NUS1: variants seen among roughly 807,000 people sequenced by gnomAD.
The protein encoded by NUS1 is NUS1 dehydrodolichyl diphosphate synthase subunit.
For missense variants in NUS1, 292 were observed against 382.9 expected, an observed-to-expected ratio of 0.76 and a Z score of 1.98; for synonymous variants, 135 against 155.2, an observed-to-expected ratio of 0.87 and a Z score of 0.97.
chr6:117,686,092 T>C (rs901461883), intron 1 of NUS1, among the ~76,000 whole-genome samples: 4 of 151,748 alleles, frequency 2.6e-5, no homozygotes, highest in Admixed American at 2.6e-4. Context: ...AAACCCCGTC[T>C]CTACTAAAAA....
chr6:117,688,283 T>A (rs544128957), intron 1 of NUS1, among the ~76,000 whole-genome samples: 1 of 152,162 alleles, frequency 6.6e-6, no homozygotes, highest in Non-Finnish European at 1.5e-5. Flanking sequence ...GTGTGGGCAA[T>A]GGACAGAAAG....
At chr6:117,684,461 T>G (rs1210190604) in intron 1 of NUS1, among the ~76,000 whole-genome samples, 1 of 152,250 alleles carries the variant, frequency 6.6e-6, no homozygotes, top group Non-Finnish European at 1.5e-5. Context: ...TTCTTTCACC[T>G]GGATTACTGT....
intron 4 of NUS1, among the ~76,000 whole-genome samples, chr6:117,704,391 G>C (rs1242869370): frequency 1.3e-5 from 2 of 152,114 alleles, no homozygotes; most frequent in Non-Finnish European, 2.9e-5. Context: ...AACTTTTTTT[G>C]TAAAGGGCCA....
At chr6:117,683,169 C>T (rs1773086946) in intron 1 of NUS1, among the ~76,000 whole-genome samples, 1 of 152,160 alleles carries the variant, frequency 6.6e-6, no homozygotes, top group Admixed American at 6.5e-5. Flanking sequence ...GTTCATTTTA[C>T]ATATCTCTTG....
At chr6:117,688,868 GT>G (rs1011917718) in intron 1 of NUS1, among the ~76,000 whole-genome samples, 6 of 152,106 alleles carry the variant, frequency 3.9e-5, no homozygotes, top group African/African-American at 7.2e-5. Context: ...TAATTACTGA[GT>G]TTTTTTGGCA....
At chr6:117,699,594 T>C (rs1044957666) in intron 3 of NUS1, among the ~76,000 whole-genome samples, 3 of 152,016 alleles carry the variant, frequency 2.0e-5, no homozygotes, top group Admixed American at 6.5e-5. Context: ...CAATGCAAAA[T>C]ATCAATGCAG....
chr6:117,699,320 A>C (rs567519252), intron 3 of NUS1, among the ~76,000 whole-genome samples: 2 of 152,298 alleles, frequency 1.3e-5, no homozygotes, highest in South Asian at 4.1e-4. Flanking sequence ...CCAATGTACA[A>C]AAATCAGGAG....
Position 117,709,120 on chromosome 6 carries a change from G to A in NUS1, c.*2105G>A, listed in dbSNP as rs1773541646. 6.6e-6 allele frequency: 1 copy of A among 152,072 alleles called. No individual in the cohort carries two copies. The highest frequency in any genetic ancestry group is 1.5e-5 in the Non-Finnish European group (1 of 67,982). 9.4% of individuals were successfully genotyped at this position (152,072 alleles called of 1,614,324 possible). A position where few individuals can be genotyped will look rare whatever the true frequency, so the allele number is the denominator to read the frequency against. ...TCATTCCAGAACCTTCTCTTTATGA[G>A]TTCACCTGCTAGTACAATCTCCACA... On this transcript the variant is annotated 3_prime_UTR_variant, in exon 5 of 5. Coordinates refer to ENST00000368494, the MANE Select transcript of NUS1 (RefSeq NM_138459.5).
intron 1 of NUS1, among the ~76,000 whole-genome samples, chr6:117,679,642 A>G (rs1461471289): frequency 6.6e-6 from 1 of 152,158 alleles, no homozygotes; most frequent in African/African-American, 2.4e-5. Flanking sequence ...TGGCTGAAAT[A>G]GATGGGGCAG....
intron 1 of NUS1, among the ~76,000 whole-genome samples, chr6:117,686,808 C>G (rs1023360167): frequency 6.7e-6 from 1 of 150,184 alleles, no homozygotes; most frequent in Non-Finnish European, 1.5e-5. Context: ...TTAGTCAAAG[C>G]CAACCTTATG....
Position 117,710,721 on chromosome 6 carries a change from T to G in NUS1, c.*3706T>G, listed in dbSNP as rs1484320405. 1 of 152,200 alleles carries G rather than the reference T, an allele frequency of 6.6e-6. No homozygotes were observed. Among genetic ancestry groups the G allele is most frequent in the African/African-American group, 2.4e-5 (1 of 41,454 alleles). 9.4% of individuals were successfully genotyped at this position (152,200 alleles called of 1,614,324 possible). A position where few individuals can be genotyped will look rare whatever the true frequency, so the allele number is the denominator to read the frequency against. The stretch of plus-strand genomic sequence containing the variant: ...AATAGCACATGAAAATAAAATGTTT[T>G]AAAAAATTATAGTCCACATTCAGTT... On this transcript the variant is annotated 3_prime_UTR_variant, in exon 5 of 5. Transcript: ENST00000368494.
intron 1 of NUS1, among the ~76,000 whole-genome samples, chr6:117,688,397 G>T (rs990560579): frequency 3.9e-5 from 6 of 152,086 alleles, no homozygotes; most frequent in African/African-American, 1.4e-4. Context: ...ATGCCTGGGT[G>T]ACTGGGCAGA....
chr6:117,704,383 C>G (rs1773471112), intron 4 of NUS1, among the ~76,000 whole-genome samples: 1 of 152,102 alleles, frequency 6.6e-6, no homozygotes, highest in African/African-American at 2.4e-5. Flanking sequence ...TTTAGGCAAA[C>G]TTTTTTTGTA....
At chr6:117,680,842 T>G (rs1176671847) in intron 1 of NUS1, among the ~76,000 whole-genome samples, 1 of 152,230 alleles carries the variant, frequency 6.6e-6, no homozygotes, top group Non-Finnish European at 1.5e-5. Context: ...CAACAAATTT[T>G]TTTTGTGTGC....
chr6:117,701,016 T>A (rs779659159), intron 3 of NUS1, among the ~76,000 whole-genome samples: 1 of 150,122 alleles, frequency 6.7e-6, no homozygotes, highest in African/African-American at 2.4e-5. Context: ...AAAAAAAAAA[T>A]TGAATAAGAT....
intron 1 of NUS1, among the ~76,000 whole-genome samples, chr6:117,685,584 T>G (rs1223552506): frequency 6.6e-6 from 1 of 152,136 alleles, no homozygotes; most frequent in African/African-American, 2.4e-5. Context: ...ATTCCTGACC[T>G]CAAGTGATCC....
chr6:117,686,959 C>G (rs1417758301), intron 1 of NUS1, among the ~76,000 whole-genome samples: 2 of 150,852 alleles, frequency 1.3e-5, no homozygotes, highest in South Asian at 4.2e-4. Flanking sequence ...TAAGTATGAT[C>G]AGATTTCTGG....
chr6:117,706,336 AC>A (rs1773501007), intron 4 of NUS1, among the ~76,000 whole-genome samples: 1 of 152,178 alleles, frequency 6.6e-6, no homozygotes. Context: ...GCTCTGCCCA[AC>A]ATTAAGCATG....
intron 4 of NUS1, among the ~76,000 whole-genome samples, chr6:117,704,129 G>A (rs183079325): frequency 6.6e-6 from 1 of 152,276 alleles, no homozygotes; most frequent in East Asian, 1.9e-4. Context: ...GTTCAGAGGT[G>A]TCAAGGCTCA....
Sources: allele counts gnomAD v4.1 joint callset (sites outside exome capture counted in the v4.1 genomes callset), GRCh38; gene constraint gnomAD v4.1.1; transcripts MANE v1.5; gene names NCBI Gene and HGNC (gene_info 2026-07-23, HGNC 2026-07-21).